The following ARK2N variants were observed in gnomAD, a reference collection of about 807,000 sequenced individuals.
The protein encoded by ARK2N is protein ARK2N.
At chr18:46,223,965 GAAGAGTTCA>G in the ARK2N span, among the ~76,000 whole-genome samples, 1 of 152,144 alleles carries the variant, frequency 6.6e-6, no homozygotes, top group South Asian at 2.1e-4. Flanking sequence ...CCCTTAGAAT[GAAGAGTTCA>G]ATATAGTTAT....
At chr18:46,202,491 A>G in the ARK2N span, among the ~76,000 whole-genome samples, 1 of 152,332 alleles carries the variant, frequency 6.6e-6, no homozygotes, top group African/African-American at 2.4e-5. Context: ...GAGGGATTAT[A>G]GAGAAGGAAG....
chr18:46,216,247 G>A, the ARK2N span: 6 of 1,613,804 alleles, frequency 3.7e-6, no homozygotes, highest in Admixed American at 6.7e-5. The surrounding 1 kb of genome is among the most constrained non-coding windows in gnomAD (Gnocchi z 4.3). Context: ...GGCAGAAACG[G>A]CGGTAGAAGG....
chr18:46,257,899 AGACTCATT>A, the ARK2N span, among the ~76,000 whole-genome samples: 186 of 151,156 alleles, frequency 1.2e-3, 1 homozygote, highest in African/African-American at 4.0e-3. Context: ...GCTGTATTTG[AGACTCATT>A]GCTTCATAGG....
At chr18:46,237,951 A>G in the ARK2N span, among the ~76,000 whole-genome samples, 1 of 152,356 alleles carries the variant, frequency 6.6e-6, no homozygotes, top group East Asian at 1.9e-4. Flanking sequence ...TATGATGAAT[A>G]CTAAATTTAA....
the ARK2N span, among the ~76,000 whole-genome samples, chr18:46,227,210 G>A: frequency 6.6e-6 from 1 of 152,156 alleles, no homozygotes; most frequent in African/African-American, 2.4e-5. Flanking sequence ...GGAAAAAAAC[G>A]TAATTCTGCA....
At chr18:46,206,028 T>C in the ARK2N span, among the ~76,000 whole-genome samples, 1 of 151,264 alleles carries the variant, frequency 6.6e-6, no homozygotes, top group Non-Finnish European at 1.5e-5. Flanking sequence ...CTGCCCCCAG[T>C]AGAGACCTGT....
At chr18:46,198,067 T>G in the ARK2N span, among the ~76,000 whole-genome samples, 10 of 152,062 alleles carry the variant, frequency 6.6e-5, no homozygotes, top group African/African-American at 2.4e-4. Context: ...TGTGGGAGGC[T>G]GAGGTGGCTG....
chr18:46,246,951 A>C, the ARK2N span, among the ~76,000 whole-genome samples: 1 of 152,150 alleles, frequency 6.6e-6, no homozygotes, highest in African/African-American at 2.4e-5. Flanking sequence ...CAAAAAAAAA[A>C]AAAAAAATAG....
chr18:46,221,328 C>G, the ARK2N span, among the ~76,000 whole-genome samples: 69 of 149,738 alleles, frequency 4.6e-4, no homozygotes, highest in African/African-American at 1.6e-3. Context: ...GATGGATTAC[C>G]TGAGGTCAGG....
the ARK2N span, among the ~76,000 whole-genome samples, chr18:46,215,472 T>A: frequency 6.6e-6 from 1 of 152,224 alleles, no homozygotes. Flanking sequence ...TTCATTTATA[T>A]CAAAGTCAAT....
the ARK2N span, among the ~76,000 whole-genome samples, chr18:46,254,503 C>T: frequency 6.6e-6 from 1 of 152,004 alleles, no homozygotes; most frequent in Non-Finnish European, 1.5e-5. Flanking sequence ...TTAGTCTGGG[C>T]TGTGAGCTAA....
the ARK2N span, among the ~76,000 whole-genome samples, chr18:46,253,424 T>G: frequency 1.3e-5 from 2 of 152,372 alleles, no homozygotes; most frequent in African/African-American, 4.8e-5. Context: ...TTAAATTTTT[T>G]TATCCTAAGG....
At chr18:46,179,574 G>A in the ARK2N span, among the ~76,000 whole-genome samples, 1 of 151,844 alleles carries the variant, frequency 6.6e-6, no homozygotes, top group Non-Finnish European at 1.5e-5. Flanking sequence ...GTAAAAGTAA[G>A]GAGCAGGAGC....
chr18:46,182,262 C>G, the ARK2N span, among the ~76,000 whole-genome samples: 239 of 152,316 alleles, frequency 1.6e-3, no homozygotes, highest in Non-Finnish European at 2.2e-3. Context: ...GGGTTTCTTA[C>G]TATTTTTCTC....
At chr18:46,239,192 A>G in the ARK2N span, among the ~76,000 whole-genome samples, 1 of 152,176 alleles carries the variant, frequency 6.6e-6, no homozygotes, top group African/African-American at 2.4e-5. Context: ...TAATTAATTT[A>G]CTTTGAAACT....
At chr18:46,175,535 A>G in the ARK2N span, among the ~76,000 whole-genome samples, 5 of 151,704 alleles carry the variant, frequency 3.3e-5, no homozygotes, top group African/African-American at 1.2e-4. Flanking sequence ...TTAGAGGCCT[A>G]CAATTGATAG....
chr18:46,262,756 G>T, the ARK2N span, among the ~76,000 whole-genome samples: 1 of 152,154 alleles, frequency 6.6e-6, no homozygotes, highest in Non-Finnish European at 1.5e-5. Context: ...GTGTGGTGGG[G>T]TAGGGAGAGA....
At chr18:46,174,521 G>C in the ARK2N span, among the ~76,000 whole-genome samples, 1 of 152,254 alleles carries the variant, frequency 6.6e-6, no homozygotes, top group South Asian at 2.1e-4. Context: ...TGGATTGCCG[G>C]CTGACGCTGG....
the ARK2N span, among the ~76,000 whole-genome samples, chr18:46,239,040 A>G: frequency 6.6e-6 from 1 of 152,128 alleles, no homozygotes; most frequent in Non-Finnish European, 1.5e-5. Context: ...TAGTAGAGGG[A>G]TTTCTTACTT....
Sources: gnomAD v4.1 joint callset for allele counts (sites outside exome capture counted in the v4.1 genomes callset) on GRCh38, gnomAD v4.1.1 for gene constraint, Gnocchi (gnomAD v3.1) non-coding constraint, MANE v1.5 for transcripts, NCBI Gene and HGNC (gene_info 2026-07-23, HGNC 2026-07-21) for gene names.